TENM3: variants seen among roughly 807,000 people sequenced by gnomAD.
The protein encoded by TENM3 is teneurin transmembrane protein 3, also known as teneurin-3.
TENM3 carries 63 observed loss-of-function variants against 255.1 expected under a neutral mutation model. The ratio of observed to expected loss-of-function variants is 0.25; its 90% CI spans 0.20 to 0.30. The LOEUF (loss-of-function observed/expected upper bound fraction) is 0.30. Ranked by LOEUF, TENM3 falls within the 10% of genes least tolerant of loss-of-function variation. TENM3 has a pLI of 1.00. For synonymous variants in TENM3, 1,306 were observed against 1,322.3 expected (o/e 0.99, Z 0.27); for missense variants, 2,929 against 3,461.1 (o/e 0.85, Z 3.86).
At chr4:181,908,077 T>C in the TENM3 span, among the ~76,000 whole-genome samples, 2 of 152,188 alleles carry the variant, frequency 1.3e-5, no homozygotes, top group African/African-American at 4.8e-5. Context: ...ATTTTATACC[T>C]GGGAGTGCAA....
the TENM3 span, among the ~76,000 whole-genome samples, chr4:182,058,667 T>C: frequency 6.6e-6 from 1 of 152,162 alleles, no homozygotes; most frequent in African/African-American, 2.4e-5. Context: ...AACTCTTCAA[T>C]TGAATAAAGA....
chr4:182,194,672 A>G (rs1052111220), intron 1 of TENM3, among the ~76,000 whole-genome samples: 1 of 152,208 alleles, frequency 6.6e-6, no homozygotes, highest in Non-Finnish European at 1.5e-5. Context: ...CAATGGTACA[A>G]TAGTCTTCCT....
the TENM3 span, among the ~76,000 whole-genome samples, chr4:182,132,307 G>A: frequency 1.3e-5 from 2 of 150,738 alleles, no homozygotes; most frequent in East Asian, 1.9e-4. Flanking sequence ...GTGAAACCCC[G>A]TCTCTACTAA....
rs1554066038 is a variant in TENM3, at chr4:182,432,849, G to GTGTGTGTGTGTGTGTGT, written c.511+85920_511+85921insTGTGTGTGTGTGTGTGT. On this transcript the variant is annotated intron_variant, in intron 3 of 27. Coordinates refer to ENST00000511685, the MANE Select transcript of TENM3 (RefSeq NM_001080477.4). ...AATTTTTCATCAGGGAATGGATTTG[G>GTGTGTGTGTGTGTGTGT]GTGTGTGTGTGTGTGTTTTAGTAGA... Among the ~76,000 whole-genome samples the GTGTGTGTGTGTGTGTGT allele has an allele frequency of 8.1e-4, 116 of 143,076 alleles. 2 individuals are homozygous for GTGTGTGTGTGTGTGTGT. In the East Asian group the frequency reaches 8.5e-3, roughly 10 times the overall value. 93.9% of individuals were successfully genotyped at this position (143,076 alleles called of 152,430 possible). A position where few individuals can be genotyped will look rare whatever the true frequency, so the allele number is the denominator to read the frequency against.
the TENM3 span, among the ~76,000 whole-genome samples, chr4:182,078,378 C>T: frequency 4.0e-5 from 6 of 151,886 alleles, no homozygotes; most frequent in East Asian, 1.9e-4. Context: ...AAAAATTAGC[C>T]GGGCGTGGTG....
chr4:182,536,431 C>T (rs1041086731), intron 3 of TENM3, among the ~76,000 whole-genome samples: 1 of 152,228 alleles, frequency 6.6e-6, no homozygotes, highest in Non-Finnish European at 1.5e-5. Context: ...ATAGGCATGC[C>T]ATGCTTTTTA....
At chr4:182,135,557 A>G in the TENM3 span, among the ~76,000 whole-genome samples, 2 of 152,234 alleles carry the variant, frequency 1.3e-5, no homozygotes, top group Non-Finnish European at 2.9e-5. Flanking sequence ...CAAAATATCA[A>G]AATCTTATGT....
chr4:181,737,714 C>T, the TENM3 span, among the ~76,000 whole-genome samples: 3 of 151,918 alleles, frequency 2.0e-5, no homozygotes, highest in African/African-American at 7.3e-5. Flanking sequence ...CACATAACCA[C>T]AAGACATGAC....
Position 182,796,619 on chromosome 4 carries a change from T to C in TENM3, c.7214-18T>C. On this transcript the variant is annotated intron_variant, in intron 26 of 27. Transcript: ENST00000511685. ...AAACAAACTCCAACACCTTTCATTCTGAACATTCTTCTCCTAGATGTTAAC... is the reference window on the plus strand; with the variant it reads ...AAACAAACTCCAACACCTTTCATTCCGAACATTCTTCTCCTAGATGTTAAC... 1 of 1,586,550 alleles carries C rather than the reference T, an allele frequency of 6.3e-7. No homozygotes were observed. The highest frequency in any genetic ancestry group is 8.6e-7 in the Non-Finnish European group (1 of 1,167,144).
At chr4:182,352,483 A>C (rs2150712857) in intron 3 of TENM3, among the ~76,000 whole-genome samples, 1 of 152,280 alleles carries the variant, frequency 6.6e-6, no homozygotes, top group South Asian at 2.1e-4. Context: ...ACAATAAAAT[A>C]AATCATTCCA....
chr4:181,973,236 G>A, the TENM3 span, among the ~76,000 whole-genome samples: 61 of 152,302 alleles, frequency 4.0e-4, no homozygotes, highest in Middle Eastern at 6.8e-3. Flanking sequence ...ATTTTTAAAT[G>A]TTTTAAATTT....
intron 3 of TENM3, among the ~76,000 whole-genome samples, chr4:182,525,990 G>GT (rs911852856): frequency 5.3e-5 from 8 of 151,722 alleles, no homozygotes; most frequent in Admixed American, 5.3e-4. Context: ...TTTTGTTTTT[G>GT]TTTTTTTGAG....
At chr4:181,953,254 GCCACCACCA>G in the TENM3 span, among the ~76,000 whole-genome samples, 5 of 148,046 alleles carry the variant, frequency 3.4e-5, no homozygotes, top group South Asian at 4.3e-4. Context: ...AATGATGATG[GCCACCACCA>G]CCACCACCAC....
intron 3 of TENM3, among the ~76,000 whole-genome samples, chr4:182,519,494 C>T (rs12374220): frequency 0.036 from 5,556 of 152,226 alleles, 134 homozygotes; most frequent in Middle Eastern, 0.058. Context: ...CAGTTTATTT[C>T]AGTATCTCAG....
intron 4 of TENM3, among the ~76,000 whole-genome samples, chr4:182,611,354 A>G (rs1045331640): frequency 6.6e-6 from 1 of 151,704 alleles, no homozygotes; most frequent in African/African-American, 2.4e-5. Flanking sequence ...ATTTTATTTT[A>G]TTTCTACTTA....
intron 22 of TENM3, among the ~76,000 whole-genome samples, chr4:182,765,921 A>G (rs962049681): frequency 2.6e-5 from 4 of 152,242 alleles, no homozygotes; most frequent in African/African-American, 4.8e-5. Flanking sequence ...TTCCTCTGCT[A>G]AAACAGTTAT....
At position 182,454,054 on chromosome 4, in the gene TENM3, G is replaced by T. The variant is rs562301302; in HGVS notation, c.511+107125G>T. Among the ~76,000 whole-genome samples, 8 of 152,268 alleles carry T rather than the reference G, an allele frequency of 5.3e-5. No individual in the cohort carries two copies. In the East Asian group the frequency reaches 1.5e-3, roughly 29 times the overall value. On this transcript the variant is annotated intron_variant, in intron 3 of 27. Transcript: ENST00000511685. ...TTCAGGGAAATGCTGAAAGGCCAGG[G>T]TAGTTAAACAAGGCCATTTGGATTT...
chr4:182,213,290 G>A (rs769838919), intron 1 of TENM3, among the ~76,000 whole-genome samples: 4 of 152,088 alleles, frequency 2.6e-5, no homozygotes, highest in Non-Finnish European at 4.4e-5. Flanking sequence ...TTATATGTAA[G>A]TGAAAAAACA....
At chr4:182,077,064 A>G in the TENM3 span, among the ~76,000 whole-genome samples, 673 of 152,214 alleles carry the variant, frequency 4.4e-3, 1 homozygote, top group African/African-American at 0.016. Context: ...GCATTTTCCA[A>G]CTTCCGAACA....
Sources: gnomAD v4.1 joint callset for allele counts (sites outside exome capture counted in the v4.1 genomes callset) on GRCh38, gnomAD v4.1.1 for gene constraint, MANE v1.5 for transcripts, NCBI Gene and HGNC (gene_info 2026-07-23, HGNC 2026-07-21) for gene names.